SNX24: variants seen among roughly 807,000 people sequenced by gnomAD.
SNX24 encodes sorting nexin-24.
A neutral mutation model predicts 28.7 loss-of-function variants in SNX24; 22 were observed. The ratio of observed to expected loss-of-function variants is 0.77; its 90% CI spans 0.55 to 1.10. SNX24 has a LOEUF of 1.10. Among genes scored for constraint, SNX24 ranks in the 50% least tolerant of loss-of-function variants. SNX24 has a pLI of 0.00. For synonymous variants in SNX24, 69 were observed against 71.5 expected (o/e 0.96, Z 0.18); for missense variants, 221 against 201.1 (o/e 1.10, Z -0.60).
chr5:122,970,155 G>T, intron 3 of SNX24, among the ~76,000 whole-genome samples: 1 of 148,088 alleles, frequency 6.8e-6, no homozygotes, highest in African/African-American at 2.5e-5. Context: ...GGGTCCTCTG[G>T]CTTACTCTCA....
At chr5:122,928,980 A>G (rs182587548) in intron 1 of SNX24, among the ~76,000 whole-genome samples, 62 of 151,844 alleles carry the variant, frequency 4.1e-4, no homozygotes, top group Non-Finnish European at 7.8e-4. Context: ...TGTGACACTA[A>G]TATCTGTTAA....
intron 1 of SNX24, among the ~76,000 whole-genome samples, chr5:122,854,299 G>A (rs1755068552): frequency 6.6e-6 from 1 of 152,096 alleles, no homozygotes; most frequent in Non-Finnish European, 1.5e-5. Context: ...ACGAGGTCAG[G>A]AGATCGAGAC....
At chr5:122,886,491 T>A (rs962650325) in intron 1 of SNX24, among the ~76,000 whole-genome samples, 4 of 152,192 alleles carry the variant, frequency 2.6e-5, no homozygotes, top group Non-Finnish European at 5.9e-5. Flanking sequence ...GTAACTTTTA[T>A]TATTTGTTGT....
intron 1 of SNX24, among the ~76,000 whole-genome samples, chr5:122,906,828 T>C (rs1286926216): frequency 1.3e-5 from 2 of 152,094 alleles, no homozygotes; most frequent in Non-Finnish European, 2.9e-5. Context: ...CTTTTTACAG[T>C]TGAGAGGACA....
chr5:122,846,542 A>G (rs932455139), intron 1 of SNX24, among the ~76,000 whole-genome samples: 5 of 152,250 alleles, frequency 3.3e-5, no homozygotes, highest in African/African-American at 1.2e-4. Context: ...TATTTTATTT[A>G]CATCAATCAC....
chr5:123,023,357 A>AT (rs1349825650), intron 5 of SNX24: 1 of 152,250 alleles, frequency 6.6e-6, no homozygotes, highest in East Asian at 1.9e-4. Flanking sequence ...AGAACTTTAC[A>AT]TTTTTAAAAA....
At chr5:123,004,342 T>C (rs1306735988) in intron 6 of SNX24, among the ~76,000 whole-genome samples, 1 of 152,222 alleles carries the variant, frequency 6.6e-6, no homozygotes, top group East Asian at 1.9e-4. Context: ...GTGATTTCAG[T>C]GTGGCTGAAG....
At chr5:122,877,726 G>GT (rs1756296705) in intron 1 of SNX24, among the ~76,000 whole-genome samples, 1 of 152,084 alleles carries the variant, frequency 6.6e-6, no homozygotes, top group Non-Finnish European at 1.5e-5. Context: ...GTTAACTTGT[G>GT]TTTTTTCTTT....
intron 2 of SNX24, among the ~76,000 whole-genome samples, chr5:122,944,556 G>A (rs1349083479): frequency 1.3e-5 from 2 of 152,166 alleles, no homozygotes; most frequent in Non-Finnish European, 2.9e-5. Flanking sequence ...AAATAATGGT[G>A]ACATTAACAG....
intron 5 of SNX24, among the ~76,000 whole-genome samples, chr5:123,014,445 G>A (rs377248057): frequency 4.9e-5 from 7 of 142,522 alleles, no homozygotes; most frequent in Non-Finnish European, 1.1e-4. Context: ...GCCTCCCAAA[G>A]TGCTGGGATT....
At chr5:122,890,262 G>A (rs889055862) in intron 1 of SNX24, among the ~76,000 whole-genome samples, 31 of 151,906 alleles carry the variant, frequency 2.0e-4, no homozygotes, top group African/African-American at 2.4e-5. Context: ...TGTCTATGAT[G>A]GTTTTTTTTC....
At chr5:122,967,155 C>A (rs1288215759) in intron 3 of SNX24, among the ~76,000 whole-genome samples, 1 of 152,134 alleles carries the variant, frequency 6.6e-6, no homozygotes, top group Non-Finnish European at 1.5e-5. Context: ...TTCATTAATT[C>A]ATAAAATAAA....
chr5:122,941,847 T>G (rs1314241191), intron 2 of SNX24, among the ~76,000 whole-genome samples: 1 of 152,200 alleles, frequency 6.6e-6, no homozygotes. Flanking sequence ...CCCTGATACC[T>G]TTGTAGCTCC....
At chr5:122,888,252 C>T (rs1193894473) in intron 1 of SNX24, among the ~76,000 whole-genome samples, 2 of 152,088 alleles carry the variant, frequency 1.3e-5, no homozygotes, top group Non-Finnish European at 2.9e-5. Context: ...TCTACCTTCC[C>T]TCCACACTGT....
intron 1 of SNX24, among the ~76,000 whole-genome samples, chr5:122,923,821 C>G (rs1050181814): frequency 1.3e-5 from 2 of 152,288 alleles, no homozygotes; most frequent in East Asian, 3.9e-4. Flanking sequence ...TTCGCATCCA[C>G]CCGAGCTTAC....
intron 3 of SNX24, among the ~76,000 whole-genome samples, chr5:122,979,987 A>G (rs906516567): frequency 1.3e-5 from 2 of 152,234 alleles, no homozygotes; most frequent in East Asian, 1.9e-4. Context: ...CAATGACTTT[A>G]TATCTCAAAA....
At chr5:122,851,308 G>T (rs1754908736) in intron 1 of SNX24, among the ~76,000 whole-genome samples, 1 of 152,046 alleles carries the variant, frequency 6.6e-6, no homozygotes, top group African/African-American at 2.4e-5. Flanking sequence ...GGGCCTATAG[G>T]CACGAGCCAC....
chr5:122,921,017 T>C (rs1384000358), intron 1 of SNX24, among the ~76,000 whole-genome samples: 3 of 152,142 alleles, frequency 2.0e-5, no homozygotes, highest in East Asian at 1.9e-4. Context: ...TGAGCCACCA[T>C]GCCCAGCCAA....
At chr5:122,901,509 C>T (rs909070848) in intron 1 of SNX24, among the ~76,000 whole-genome samples, 1 of 152,136 alleles carries the variant, frequency 6.6e-6, no homozygotes, top group African/African-American at 2.4e-5. Context: ...TCAGCCAGGT[C>T]CAGCGGGGCT....
Sources: gnomAD v4.1 joint callset for allele counts (sites outside exome capture counted in the v4.1 genomes callset) on GRCh38, gnomAD v4.1.1 for gene constraint, MANE v1.5 for transcripts, NCBI Gene and HGNC (gene_info 2026-07-23, HGNC 2026-07-21) for gene names.